FSTL5: variants seen among roughly 807,000 people sequenced by gnomAD.
The protein encoded by FSTL5 is follistatin-related protein 5.
A neutral mutation model predicts 89.1 loss-of-function variants in FSTL5; 62 were observed. That is an observed-to-expected ratio of 0.70 (90% CI 0.57 to 0.86). FSTL5 has a LOEUF of 0.86. Among genes scored for constraint, FSTL5 ranks in the 40% least tolerant of loss-of-function variants. The pLI is 0.00. For synonymous variants in FSTL5, 383 were observed against 346.2 expected (o/e 1.11, Z -1.18); for missense variants, 1,057 against 1,001.6 (o/e 1.06, Z -0.75).
chr4:161,634,658 A>G (rs1249080150), intron 7 of FSTL5, among the ~76,000 whole-genome samples: 1 of 152,226 alleles, frequency 6.6e-6, no homozygotes. Context: ...CAAGTACCCT[A>G]TGATTTTACA....
intron 1 of FSTL5, among the ~76,000 whole-genome samples, chr4:162,124,651 G>C (rs1391579794): frequency 6.6e-6 from 1 of 152,122 alleles, no homozygotes; most frequent in Non-Finnish European, 1.5e-5. Context: ...ACGCTGGCTG[G>C]AGACTCTATC....
At chr4:161,819,521 C>G (rs774448023) in intron 4 of FSTL5, among the ~76,000 whole-genome samples, 2 of 151,956 alleles carry the variant, frequency 1.3e-5, no homozygotes, top group Non-Finnish European at 2.9e-5. Flanking sequence ...TAAAACATTA[C>G]CAAAATGCAG....
intron 4 of FSTL5, among the ~76,000 whole-genome samples, chr4:161,915,610 T>TA (rs1733816914): frequency 6.6e-6 from 1 of 152,160 alleles, no homozygotes; most frequent in Admixed American, 6.5e-5. Flanking sequence ...AAGGGATTAA[T>TA]AAAATTGTTT....
chr4:162,162,281 A>G (rs1733725421), intron 1 of FSTL5, among the ~76,000 whole-genome samples: 1 of 152,188 alleles, frequency 6.6e-6, no homozygotes, highest in African/African-American at 2.4e-5. Context: ...TTTAAAATAT[A>G]CAAATATTTA....
chr4:161,961,620 T>G (rs2110981511), intron 3 of FSTL5, among the ~76,000 whole-genome samples: 1 of 151,708 alleles, frequency 6.6e-6, no homozygotes, highest in African/African-American at 2.4e-5. Flanking sequence ...CATCACTTCA[T>G]AATAAATTGG....
chr4:161,713,727 T>C (rs1368824224), intron 6 of FSTL5, among the ~76,000 whole-genome samples: 1 of 152,074 alleles, frequency 6.6e-6, no homozygotes, highest in Admixed American at 6.6e-5. Context: ...CTATATGGTG[T>C]TTTATAATTA....
At chr4:162,002,169 C>A (rs1487643162) in intron 3 of FSTL5, among the ~76,000 whole-genome samples, 3 of 152,054 alleles carry the variant, frequency 2.0e-5, no homozygotes, top group Non-Finnish European at 4.4e-5. Flanking sequence ...CATATACAAC[C>A]TTTGTAACTA....
intron 12 of FSTL5, among the ~76,000 whole-genome samples, chr4:161,484,430 A>T (rs1435594500): frequency 6.6e-6 from 1 of 152,160 alleles, no homozygotes; most frequent in Non-Finnish European, 1.5e-5. Context: ...TTTTTCTTAT[A>T]ATTTTAACTA....
Position 161,548,539 on chromosome 4 carries a change from T to A in FSTL5, c.1016-5846A>T, listed in dbSNP as rs190229067. On this transcript the variant is annotated intron_variant, in intron 8 of 15. Coordinates refer to ENST00000306100, the MANE Select transcript of FSTL5 (RefSeq NM_020116.5). ...TTTCAGTATATGCACCATGCTGAAC[T>A]TTTTATATTTTTCCAATGAGTGTAT... 7.4e-4 allele frequency among the ~76,000 whole-genome samples: 112 copies of A among 151,968 alleles called. 1 individual carries two copies. The highest frequency in any genetic ancestry group is 2.6e-3 in the African/African-American group (108 of 41,514).
chr4:161,689,895 A>G (rs1737871246), intron 6 of FSTL5, among the ~76,000 whole-genome samples: 1 of 152,192 alleles, frequency 6.6e-6, no homozygotes, highest in Admixed American at 6.5e-5. Flanking sequence ...AAAAGAAATC[A>G]TCCAATATAT....
At position 161,884,381 on chromosome 4, in the gene FSTL5, A is replaced by G. The variant is rs527397105; in HGVS notation, c.409+36023T>C. Among the ~76,000 whole-genome samples the G allele has an allele frequency of 2.0e-5, 3 of 152,310 alleles. 1 individual carries two copies. The highest frequency in any genetic ancestry group is 2.0e-4 in the Admixed American group (3 of 15,300). On this transcript the variant is annotated intron_variant, in intron 4 of 15. Transcript: ENST00000306100. ...ATTAATTTCATATCCTGCACTATAC[A>G]AATATAAGGAATTAATATATCTATG...
At chr4:161,721,351 A>T (rs999708647) in intron 6 of FSTL5, among the ~76,000 whole-genome samples, 1 of 151,664 alleles carries the variant, frequency 6.6e-6, no homozygotes, top group Non-Finnish European at 1.5e-5. Flanking sequence ...TTCCTATCAC[A>T]AAAGGTTTTA....
At chr4:162,154,034 T>TG (rs753474873) in intron 1 of FSTL5, among the ~76,000 whole-genome samples, 9 of 151,924 alleles carry the variant, frequency 5.9e-5, no homozygotes, top group Non-Finnish European at 1.3e-4. Context: ...CTTGAACTCC[T>TG]GATCTCGGGT....
At position 161,694,450 on chromosome 4, in the gene FSTL5, GT is replaced by G. The variant is rs560513643; in HGVS notation, c.728-37957del. 5.3e-3 allele frequency among the ~76,000 whole-genome samples: 802 copies of G among 151,304 alleles called. 9 individuals are homozygous for G. The highest frequency in any genetic ancestry group is 7.5e-3 in the Non-Finnish European group (510 of 67,742). On this transcript the variant is annotated intron_variant, in intron 6 of 15. Transcript: ENST00000306100. ...CTGTATTTTGAACTACAGAATTTCT[GT>G]TTTTTTTATAATTTCTGTTTGTTAT...
At chr4:161,833,243 A>G (rs1411681715) in intron 4 of FSTL5, among the ~76,000 whole-genome samples, 1 of 151,810 alleles carries the variant, frequency 6.6e-6, no homozygotes, top group African/African-American at 2.4e-5. Flanking sequence ...GTGGTCTGAG[A>G]GACAGTTTGT....
In FSTL5 at chr4:161,867,421, T is replaced by A. The variant is rs186638540; in HGVS notation, c.409+52983A>T. 5.6e-3 allele frequency among the ~76,000 whole-genome samples: 858 copies of A among 152,048 alleles called. 8 individuals are homozygous for A. Among genetic ancestry groups the A allele is most frequent in the African/African-American group, 0.02 (811 of 41,548 alleles). On this transcript the variant is annotated intron_variant, in intron 4 of 15. Transcript: ENST00000306100. ...GTTGATATTTGAGACAAAGCATAAATAGGCAATATAAAGACAAAGAAATGC... is the reference window on the plus strand; with the variant it reads ...GTTGATATTTGAGACAAAGCATAAAAAGGCAATATAAAGACAAAGAAATGC...
chr4:161,557,085 ATAAT>A (rs1420409539), intron 8 of FSTL5, among the ~76,000 whole-genome samples: 1 of 151,412 alleles, frequency 6.6e-6, no homozygotes, highest in Non-Finnish European at 1.5e-5. Flanking sequence ...AGTCGTGTGG[ATAAT>A]TAATTTTTGA....
chr4:161,744,879 G>A (rs1319503239), intron 6 of FSTL5, among the ~76,000 whole-genome samples: 1 of 151,980 alleles, frequency 6.6e-6, no homozygotes, highest in Non-Finnish European at 1.5e-5. Flanking sequence ...TCAGGTATTA[G>A]TAGTTTTTCA....
At chr4:162,034,836 G>A (rs2111201419) in intron 2 of FSTL5, among the ~76,000 whole-genome samples, 1 of 152,244 alleles carries the variant, frequency 6.6e-6, no homozygotes, top group Non-Finnish European at 1.5e-5. Flanking sequence ...AATGACAAAT[G>A]TGTATTTATT....
Sources: allele counts gnomAD v4.1 joint callset (sites outside exome capture counted in the v4.1 genomes callset), GRCh38; gene constraint gnomAD v4.1.1; transcripts MANE v1.5; gene names NCBI Gene and HGNC (gene_info 2026-07-23, HGNC 2026-07-21).